CAPN15: variants seen among roughly 807,000 people sequenced by gnomAD.
CAPN15 encodes calpain 15.
A neutral mutation model predicts 97.9 loss-of-function variants in CAPN15; 53 were observed. The observed-to-expected ratio is 0.54, with a 90% CI of 0.43 to 0.68. The LOEUF is 0.68. CAPN15 is among the 30% of genes least tolerant of loss of function. The probability of loss-of-function intolerance (pLI) is 0.00; values close to 1 mark genes in which losing one functional copy is unlikely to be tolerated. For missense variants in CAPN15, 1,592 were observed against 1,589.8 expected, an observed-to-expected ratio of 1.00 and a Z score of -0.02; for synonymous variants, 922 against 722.5, an observed-to-expected ratio of 1.28 and a Z score of -4.43.
chr16:542,998 C>G (rs1011934496), intron 3 of CAPN15, among the ~76,000 whole-genome samples: 2 of 152,038 alleles, frequency 1.3e-5, no homozygotes, highest in South Asian at 4.2e-4. Context: ...TTGCAGTGAG[C>G]CAAGATTGCA....
Position 549,210 on chromosome 16 carries a change from T to TGGG in CAPN15, c.1658+9_1658+10insGGG. The TGGG allele has an allele frequency of 1.2e-6, 1 of 836,792 alleles. No homozygotes were observed. The highest frequency in any genetic ancestry group is 2.0e-5 in the African/African-American group (1 of 48,950). The allele number at this position is 836,792 out of a possible 1,614,324, so 51.8% of individuals were successfully genotyped here. A position where few individuals can be genotyped will look rare whatever the true frequency, so the allele number is the denominator to read the frequency against. ...CTGCTGGGGAACTGCTGGTGAGGCCTTCTCCAAGGCCGGGGTGGGGCGGGT... is the reference window on the plus strand; with the variant it reads ...CTGCTGGGGAACTGCTGGTGAGGCCTGGGTCTCCAAGGCCGGGGTGGGGCGGGT... On this transcript the variant is annotated intron_variant, in intron 5 of 13. Coordinates refer to ENST00000219611, the MANE Select transcript of CAPN15 (RefSeq NM_005632.3).
At position 552,215 on chromosome 16, in the gene CAPN15, G is replaced by T; in HGVS notation, c.2507+3G>T. 2 of 1,531,100 alleles carry T rather than the reference G, an allele frequency of 1.3e-6. No homozygotes were observed. The highest frequency in any genetic ancestry group is 8.8e-7 in the Non-Finnish European group (1 of 1,136,822). 94.8% of individuals were successfully genotyped at this position (1,531,100 alleles called of 1,614,324 possible). A position where few individuals can be genotyped will look rare whatever the true frequency, so the allele number is the denominator to read the frequency against. On this transcript the variant is annotated splice_donor_region_variant and intron_variant, in intron 10 of 13. Coordinates refer to ENST00000219611, the MANE Select transcript of CAPN15 (RefSeq NM_005632.3). This position sits in a 1 kb window ranked among gnomAD's most constrained non-coding sequence, Gnocchi z 6.4. Reference sequence around the variant, plus strand: ...GCGCTCTTCCAGGAGGGCAGCAGGTGGGTGCTGCGGGGCCCCATCGGGCTG... The same window carrying T: ...GCGCTCTTCCAGGAGGGCAGCAGGTTGGTGCTGCGGGGCCCCATCGGGCTG...
rs566072669 is a variant in CAPN15, at chr16:544,504, C to T, written c.-22-2313C>T. On this transcript the variant is annotated intron_variant, in intron 3 of 13. Coordinates refer to ENST00000219611, the MANE Select transcript of CAPN15 (RefSeq NM_005632.3). ...CTCCACGCTCCGGGTGCTGCTGTCC[C>T]GGCTGCTTCAGGGCGGGCTCTGTCT... Among the ~76,000 whole-genome samples the T allele has an allele frequency of 1.4e-4, 22 of 152,280 alleles. 1 individual carries two copies. The South Asian group carries it at 4.4e-3, about 30-fold the overall frequency.
intron 3 of CAPN15, among the ~76,000 whole-genome samples, chr16:542,042 G>A (rs1269161169): frequency 1.3e-5 from 2 of 152,086 alleles, no homozygotes; most frequent in Non-Finnish European, 2.9e-5. Context: ...GGTTTGCCTT[G>A]TGCAGAAGGT....
At position 552,815 on chromosome 16, in the gene CAPN15, T is replaced by C; in HGVS notation, c.2904+44T>C. 1 of 1,150,902 alleles carries C rather than the reference T, an allele frequency of 8.7e-7. No homozygotes were observed. Among genetic ancestry groups the C allele is most frequent in the Non-Finnish European group, 1.2e-6 (1 of 842,736 alleles). The allele number at this position is 1,150,902 out of a possible 1,614,324, so 71.3% of individuals were successfully genotyped here. A position where few individuals can be genotyped will look rare whatever the true frequency, so the allele number is the denominator to read the frequency against. ...GGAGGGTGGCGTGGGGCAGGGGGAG[T>C]ATGCCCCAGCACCTCCCCTGCCCCA... On this transcript the variant is annotated intron_variant, in intron 12 of 13. Transcript: ENST00000219611. The surrounding 1 kb of genome is among the most constrained non-coding windows in gnomAD (Gnocchi z 6.4).
In CAPN15 at chr16:547,484, A is replaced by G. The variant is rs758081556; in HGVS notation, c.646A>G (p.Thr216Ala). The change falls in exon 4 of 14, where the codon ACC (threonine) becomes GCC (alanine). Residue 216 changes from threonine (T) to alanine (A), a missense_variant. Around this residue, in one of 3 missense-constraint regions of CAPN15, gnomAD observed 883 missense variants for 776.6 expected, o/e 1.14. Transcript: ENST00000219611. ...AGGTGCCGAGGCCAACCCCCCAGCC[A>G]CCAGCCAGGGCCCAGCTGCCGAACC... ...GEGAEANPPA[T>A]SQGPAAEPEP... is the part of the protein sequence containing the mutation. 2 of 1,596,888 alleles carry G rather than the reference A, an allele frequency of 1.3e-6. No individual in the cohort carries two copies. Among genetic ancestry groups the G allele is most frequent in the South Asian group, 1.1e-5 (1 of 90,830 alleles).
intron 1 of CAPN15, among the ~76,000 whole-genome samples, chr16:531,888 A>G (rs556116663): frequency 1.3e-5 from 2 of 152,354 alleles, no homozygotes; most frequent in South Asian, 4.1e-4. Flanking sequence ...TGGCAAGCAG[A>G]GAAGTAGAGA....
chr16:543,055 T>A (rs886244767), intron 3 of CAPN15, among the ~76,000 whole-genome samples: 4 of 151,734 alleles, frequency 2.6e-5, no homozygotes, highest in South Asian at 4.2e-4. Context: ...TGTCTCAAAA[T>A]AAAAATACAA....
chr16:544,906 CCCCTCACGTCGTCTG>C (rs1054041620), intron 3 of CAPN15, among the ~76,000 whole-genome samples: 18 of 145,790 alleles, frequency 1.2e-4, no homozygotes, highest in South Asian at 2.3e-4. Flanking sequence ...GTCGTCGTCT[CCCCTCACGTCGTCTG>C]CCCTGAGCCC....
chr16:539,408 T>G (rs1325716861), intron 3 of CAPN15: 1 of 152,290 alleles, frequency 6.6e-6, no homozygotes, highest in Non-Finnish European at 1.5e-5. Flanking sequence ...ATTAACGTTC[T>G]CAACTGTATT....
At position 553,580 on chromosome 16, in the gene CAPN15, G is replaced by T; in HGVS notation, c.*64G>T. ...CCCCACCCCCACACGCACTTTATGAGGGAGACCCCGACAGAGGACGCTTGA... is the reference window on the plus strand; with the variant it reads ...CCCCACCCCCACACGCACTTTATGATGGAGACCCCGACAGAGGACGCTTGA... On this transcript the variant is annotated 3_prime_UTR_variant, in exon 14 of 14. Transcript: ENST00000219611. 9.6e-7 allele frequency: 1 copy of T among 1,043,812 alleles called. No homozygotes were observed. Among genetic ancestry groups the T allele is most frequent in the South Asian group, 1.6e-5 (1 of 62,284 alleles). The allele number at this position is 1,043,812 out of a possible 1,614,324, so 64.7% of individuals were successfully genotyped here.
rs1033847763 is a variant in CAPN15, at chr16:547,947, G to A, written c.1109G>A (p.Gly370Asp). 2.5e-6 allele frequency: 4 copies of A among 1,596,780 alleles called. No individual in the cohort carries two copies. Among genetic ancestry groups the A allele is most frequent in the Admixed American group, 1.7e-5 (1 of 58,410 alleles). Residue 370 changes from glycine (G) to aspartate (D), a missense_variant, in exon 4 of 14, where the codon GGC becomes GAC. Gly to Asp is a moderately conservative substitution (Grantham distance 94, BLOSUM62 -1). This residue lies in a region of CAPN15 where 883 missense variants were observed against 776.6 expected (regional missense o/e 1.14). Transcript: ENST00000219611. Reference protein sequence around the residue: ...CSACGCSKLHGFQEHGEPPTH... With the variant: ...CSACGCSKLHDFQEHGEPPTH... ...GCCTGCGGCTGCTCCAAACTGCACG[G>A]CTTCCAGGAGCATGGCGAGCCCCCC...
At chr16:544,626 T>G (rs1449352723) in intron 3 of CAPN15, among the ~76,000 whole-genome samples, 4 of 151,846 alleles carry the variant, frequency 2.6e-5, no homozygotes, top group South Asian at 2.1e-4. Context: ...TTGTGCTGGA[T>G]TTTTCTGTAC....
Position 534,259 on chromosome 16 carries a change from C to T in CAPN15, c.-137+261C>T, listed in dbSNP as rs914421851. ...GGGTGTTTGTCCCTTTGGGGACCTC[C>T]CCTGTGCTGTGGCCCCGGCCCCCAG... is the stretch of plus-strand genomic sequence containing the variant. On this transcript the variant is annotated intron_variant, in intron 2 of 13. Coordinates refer to ENST00000219611, the MANE Select transcript of CAPN15 (RefSeq NM_005632.3). Among the ~76,000 whole-genome samples the T allele has an allele frequency of 1.7e-4, 5 of 29,634 alleles. No individual in the cohort carries two copies. In the Admixed American group the frequency reaches 2.1e-3, roughly 13 times the overall value. 19.4% of individuals were successfully genotyped at this position (29,634 alleles called of 152,430 possible). A position where few individuals can be genotyped will look rare whatever the true frequency, so the allele number is the denominator to read the frequency against.
rs1440040497 is a variant in CAPN15 at position 547,596 on chromosome 16, C to T, written c.758C>T (p.Pro253Leu). ...CCGCGCAGCCGACGCGAGGTTCCCCCCCAGCTGCAGCCACCGGTGCCTGAG... is the reference window on the plus strand; with the variant it reads ...CCGCGCAGCCGACGCGAGGTTCCCCTCCAGCTGCAGCCACCGGTGCCTGAG... Reference protein sequence around the residue: ...PVPRSRREVPPQLQPPVPEAA... With the variant: ...PVPRSRREVPLQLQPPVPEAA... Residue 253 changes from proline to leucine, a missense_variant, in exon 4 of 14, where the codon CCC (proline) becomes CTC (leucine). By Grantham distance (98) the Pro-to-Leu change is moderately conservative. Transcript: ENST00000219611. 4 of 1,575,984 alleles carry T rather than the reference C, an allele frequency of 2.5e-6. No individual in the cohort carries two copies. The highest frequency in any genetic ancestry group is 2.6e-6 in the Non-Finnish European group (3 of 1,162,902).
rs1262793489 is a variant in CAPN15, at chr16:547,148, G to C, written c.310G>C (p.Glu104Gln). The C allele has an allele frequency of 6.4e-7, 1 of 1,551,774 alleles. No individual in the cohort carries two copies. Among genetic ancestry groups the C allele is most frequent in the Admixed American group, 1.8e-5 (1 of 54,502 alleles). Residue 104 changes from glutamate (E) to glutamine (Q), a missense_variant, in exon 4 of 14, where the codon GAA becomes CAA. Physicochemically the swap from Glu to Gln is conservative, Grantham distance 29. Around this residue, in one of 3 missense-constraint regions of CAPN15, gnomAD observed 883 missense variants for 776.6 expected, o/e 1.14. Transcript: ENST00000219611. ...GGAGCCCAAGGGCAGCTGCCAGGAG[G>C]AAGCAGGTCCAGTGAGGACTGCGGG... ...LGEPKGSCQE[E>Q]AGPVRTAGLV...
chr16:551,470 C>T, intron 8 of CAPN15, 42 bp from the exon 9 acceptor site: 1 of 1,601,024 alleles, frequency 6.2e-7, no homozygotes, highest in Non-Finnish European at 8.5e-7. Context: ...GCCGGTGAGA[C>T]TCGGGCAGTG....
At chr16:542,919 C>T (rs759891371) in intron 3 of CAPN15, among the ~76,000 whole-genome samples, 36 of 152,238 alleles carry the variant, frequency 2.4e-4, no homozygotes, top group Admixed American at 7.2e-4. Flanking sequence ...GGCGTGGTGA[C>T]GGGCACCTAT....
chr16:541,121 G>C (rs2034081741), intron 3 of CAPN15, among the ~76,000 whole-genome samples: 1 of 152,256 alleles, frequency 6.6e-6, no homozygotes, highest in Non-Finnish European at 1.5e-5. Context: ...AGCTCCCACG[G>C]GGGACGATGT....
Sources: gnomAD v4.1 joint callset for allele counts (sites outside exome capture counted in the v4.1 genomes callset) on GRCh38, gnomAD v4.1.1 for gene constraint, gnomAD v4.1.1 regional missense constraint, Gnocchi (gnomAD v3.1) non-coding constraint, MANE v1.5 for transcripts, NCBI Gene and HGNC (gene_info 2026-07-23, HGNC 2026-07-21) for gene names.